The following ATRNL1 variants were observed in gnomAD, a reference collection of about 807,000 sequenced individuals.
The protein encoded by ATRNL1 is attractin like 1, also known as attractin-like protein 1.
In ATRNL1, 95 loss-of-function variants were observed where a neutral mutation model predicts 182.7. The observed-to-expected ratio is 0.52, with a 90% CI of 0.44 to 0.62. The LOEUF is 0.62. Among genes scored for constraint, ATRNL1 ranks in the 20% least tolerant of loss-of-function variants. ATRNL1 has a pLI of 0.00. For missense variants in ATRNL1, 1,471 were observed against 1,679.5 expected, an observed-to-expected ratio of 0.88 and a Z score of 2.17; for synonymous variants, 576 against 568.3, an observed-to-expected ratio of 1.01 and a Z score of -0.19.
intron 10 of ATRNL1, among the ~76,000 whole-genome samples, chr10:115,264,358 A>G (rs1165685342): frequency 2.0e-5 from 3 of 151,636 alleles, no homozygotes; most frequent in Non-Finnish European, 4.4e-5. Flanking sequence ...TTCTTGTTCC[A>G]TAAAGGCTTT....
chr10:115,785,468 G>A (rs1338745394), intron 27 of ATRNL1, among the ~76,000 whole-genome samples: 2 of 152,134 alleles, frequency 1.3e-5, no homozygotes, highest in Non-Finnish European at 2.9e-5. Context: ...GTGCTTGTTG[G>A]TATAAAATTC....
At chr10:115,313,469 T>G (rs1323973158) in intron 17 of ATRNL1, among the ~76,000 whole-genome samples, 1 of 152,196 alleles carries the variant, frequency 6.6e-6, no homozygotes, top group Non-Finnish European at 1.5e-5. Context: ...AGTGATGTGC[T>G]CCATTTATAA....
chr10:115,122,535 G>T (rs535095618), intron 3 of ATRNL1, among the ~76,000 whole-genome samples: 1 of 151,984 alleles, frequency 6.6e-6, no homozygotes, highest in African/African-American at 2.4e-5. Context: ...TACAATATCT[G>T]TTATATGTTC....
chr10:115,243,416 TA>T (rs1554903406), intron 10 of ATRNL1, among the ~76,000 whole-genome samples: 1 of 152,106 alleles, frequency 6.6e-6, no homozygotes, highest in African/African-American at 2.4e-5. Context: ...TTCTATGTGC[TA>T]GGTACTATGT....
At chr10:115,416,807 A>G (rs1235005543) in intron 20 of ATRNL1, among the ~76,000 whole-genome samples, 2 of 152,248 alleles carry the variant, frequency 1.3e-5, no homozygotes, top group African/African-American at 4.8e-5. Context: ...AACAAAAAAG[A>G]AAATGTTATA....
intron 28 of ATRNL1, among the ~76,000 whole-genome samples, chr10:115,918,743 C>A (rs1952955552): frequency 6.6e-6 from 1 of 152,072 alleles, no homozygotes; most frequent in Admixed American, 6.5e-5. Context: ...TAAAGAAGTT[C>A]AGAAGGAGAG....
chr10:115,376,030 G>A (rs1857651310), intron 19 of ATRNL1, among the ~76,000 whole-genome samples: 1 of 151,806 alleles, frequency 6.6e-6, no homozygotes, highest in Non-Finnish European at 1.5e-5. Flanking sequence ...AGTGGTGGTG[G>A]ACTCTCTTAG....
In ATRNL1 at chr10:115,688,240, C is replaced by G. The variant is rs540137725; in HGVS notation, c.3796-39008C>G. ...CCATCGATGAGCATGTAGGTTGATTCTATAGCTTTGCTATCACGAACATTG... is the reference window on the plus strand; with the variant it reads ...CCATCGATGAGCATGTAGGTTGATTGTATAGCTTTGCTATCACGAACATTG... On this transcript the variant is annotated intron_variant, in intron 26 of 28. Coordinates refer to ENST00000355044, the MANE Select transcript of ATRNL1 (RefSeq NM_207303.4). 9.9e-5 allele frequency among the ~76,000 whole-genome samples: 15 copies of G among 152,228 alleles called. No individual in the cohort carries two copies. The East Asian group carries it at 2.9e-3, about 29-fold the overall frequency.
At chr10:115,865,060 A>G (rs1951408634) in intron 28 of ATRNL1, among the ~76,000 whole-genome samples, 1 of 152,168 alleles carries the variant, frequency 6.6e-6, no homozygotes, top group African/African-American at 2.4e-5. Context: ...AAACTCTTCA[A>G]AAGTGCCAAG....
intron 27 of ATRNL1, among the ~76,000 whole-genome samples, chr10:115,827,771 A>G (rs1359928380): frequency 6.6e-6 from 1 of 152,318 alleles, no homozygotes; most frequent in East Asian, 1.9e-4. Flanking sequence ...CAGTTGTCGA[A>G]TACTGACACA....
chr10:115,139,428 A>G (rs1845664701), intron 5 of ATRNL1, among the ~76,000 whole-genome samples: 1 of 152,234 alleles, frequency 6.6e-6, no homozygotes, highest in African/African-American at 2.4e-5. Context: ...TTACAGTTCC[A>G]CATGGTTGTG....
At chr10:115,944,606 C>A in intron 28 of ATRNL1, 52 bp from the exon 29 acceptor site, 1 of 1,508,754 alleles carries the variant, frequency 6.6e-7, no homozygotes, top group Non-Finnish European at 8.9e-7. Flanking sequence ...CCACTGTTGC[C>A]ATCCCAGAAA....
At chr10:115,924,598 A>G (rs921640075) in intron 28 of ATRNL1, among the ~76,000 whole-genome samples, 3 of 151,858 alleles carry the variant, frequency 2.0e-5, no homozygotes, top group Middle Eastern at 3.2e-3. Flanking sequence ...GTTCTGTTCT[A>G]TTGGTCTATA....
intron 6 of ATRNL1, among the ~76,000 whole-genome samples, chr10:115,164,050 A>G (rs535589327): frequency 6.6e-5 from 10 of 152,264 alleles, no homozygotes; most frequent in South Asian, 6.2e-4. Context: ...GAAGATAACA[A>G]TTGATAGCAA....
At chr10:115,292,943 G>C (rs1286839711) in intron 15 of ATRNL1, among the ~76,000 whole-genome samples, 1 of 152,090 alleles carries the variant, frequency 6.6e-6, no homozygotes, top group Admixed American at 6.5e-5. Flanking sequence ...CCAATGCTGA[G>C]AGCATGGTGT....
At chr10:115,474,012 C>T (rs1162075044) in intron 24 of ATRNL1, among the ~76,000 whole-genome samples, 2 of 151,146 alleles carry the variant, frequency 1.3e-5, no homozygotes, top group Non-Finnish European at 3.0e-5. Context: ...GTTTTAAAAA[C>T]CAACTGTTTA....
intron 19 of ATRNL1, among the ~76,000 whole-genome samples, chr10:115,342,192 A>C (rs890064145): frequency 6.6e-6 from 1 of 151,988 alleles, no homozygotes; most frequent in Admixed American, 6.6e-5. Flanking sequence ...CGAGACTTGT[A>C]AATAGTACAT....
At chr10:115,281,603 A>C in intron 14 of ATRNL1, 116 bp downstream of exon 14, 4 of 1,030,366 alleles carry the variant, frequency 3.9e-6, no homozygotes, top group Non-Finnish European at 5.6e-6. Flanking sequence ...AGTAAATATC[A>C]ACCTATAATA....
chr10:115,307,112 C>G (rs1853774279), intron 17 of ATRNL1, among the ~76,000 whole-genome samples: 1 of 152,170 alleles, frequency 6.6e-6, no homozygotes, highest in Non-Finnish European at 1.5e-5. Flanking sequence ...GTTCCTTGAG[C>G]AGATAGTCTA....
Sources: allele counts gnomAD v4.1 joint callset (sites outside exome capture counted in the v4.1 genomes callset), GRCh38; gene constraint gnomAD v4.1.1; transcripts MANE v1.5; gene names NCBI Gene and HGNC (gene_info 2026-07-23, HGNC 2026-07-21).